Variants in ANKRD11 observed in about 807,000 individuals in gnomAD.
The protein encoded by ANKRD11 is ankyrin repeat domain 11.
In ANKRD11, 17 loss-of-function variants were observed where a neutral mutation model predicts 195.7. That is an observed-to-expected ratio of 0.09 (90% CI 0.06 to 0.13). The LOEUF (loss-of-function observed/expected upper bound fraction) is 0.13, where lower values mean the gene tolerates loss of function less well. Ranked by LOEUF, ANKRD11 falls within the 10% of genes least tolerant of loss-of-function variation. The pLI is 1.00. For synonymous variants in ANKRD11, 1,953 were observed against 1,528.1 expected, an observed-to-expected ratio of 1.28 and a Z score of -6.49; for missense variants, 3,735 against 3,566.1, an observed-to-expected ratio of 1.05 and a Z score of -1.21.
chr16:89,270,559 G>A (rs578182020), intron 12 of ANKRD11: 12 of 526,632 alleles, frequency 2.3e-5, no homozygotes, highest in Admixed American at 1.5e-4. Context: ...ATCAAGCCTA[G>A]GGTCCTGTTG....
intron 2 of ANKRD11, among the ~76,000 whole-genome samples, chr16:89,376,757 A>C (rs1288590911): frequency 1.3e-5 from 2 of 152,200 alleles, no homozygotes; most frequent in Non-Finnish European, 1.5e-5. Flanking sequence ...ACAGGTTTTG[A>C]ATGCAGGTGA....
At chr16:89,426,418 C>A (rs550017114) in intron 1 of ANKRD11, among the ~76,000 whole-genome samples, 2 of 152,146 alleles carry the variant, frequency 1.3e-5, no homozygotes, top group African/African-American at 2.4e-5. Flanking sequence ...AGACCCCAAC[C>A]AGCGCCGGCC....
intron 2 of ANKRD11, among the ~76,000 whole-genome samples, chr16:89,398,634 CAG>C (rs905290626): frequency 1.2e-4 from 18 of 152,032 alleles, no homozygotes; most frequent in Non-Finnish European, 2.4e-4. Flanking sequence ...TTCAGATACT[CAG>C]GGGGCTGAGG....
At chr16:89,278,320 G>C in intron 9 of ANKRD11, 1 of 354,738 alleles carries the variant, frequency 2.8e-6, no homozygotes, top group Non-Finnish European at 5.6e-6. Context: ...GTAGGAGGAG[G>C]TGGGAACCCA....
rs754772890 is a variant in ANKRD11, at chr16:89,268,579, G to A, written c.7891C>T (p.Leu2631=). 12 of 1,546,286 alleles carry A rather than the reference G, an allele frequency of 7.8e-6. No individual in the cohort carries two copies. In the African/African-American group the frequency reaches 1.5e-4, roughly 19 times the overall value. Residue 2631 remains leucine, a synonymous_variant, in exon 13 of 13, where the codon CTG becomes TTG. Coordinates refer to ENST00000301030, the MANE Select transcript of ANKRD11 (RefSeq NM_013275.6). ...AGGGACTTGTGCCCGGCGGGGTCCA[G>A]TTCCTGCACCTTCAGCTGCCACTCC... The part of the protein sequence containing the change: ...RMEWQLKVQE[L]DPAGHKSLCV...
At chr16:89,485,335 A>C (rs536175919) in intron 1 of ANKRD11, among the ~76,000 whole-genome samples, 3 of 151,824 alleles carry the variant, frequency 2.0e-5, no homozygotes, top group Admixed American at 6.6e-5. Context: ...AAAAAAAAAA[A>C]AAAAAAACAC....
At chr16:89,440,290 T>G (rs1204776286) in intron 1 of ANKRD11, among the ~76,000 whole-genome samples, 5 of 151,774 alleles carry the variant, frequency 3.3e-5, no homozygotes, top group Non-Finnish European at 4.4e-5. Flanking sequence ...TAAATAACAG[T>G]GGAACTAGGA....
At chr16:89,345,648 A>C (rs1055664623) in intron 2 of ANKRD11, among the ~76,000 whole-genome samples, 1 of 152,260 alleles carries the variant, frequency 6.6e-6, no homozygotes, top group African/African-American at 2.4e-5. Context: ...AAGAAATACA[A>C]GACCAAGTTT....
At chr16:89,329,491 G>A (rs1009708726) in intron 2 of ANKRD11, among the ~76,000 whole-genome samples, 1 of 152,158 alleles carries the variant, frequency 6.6e-6, no homozygotes, top group Admixed American at 6.5e-5. Context: ...TTCCCCAACG[G>A]TATACGTTTC....
chr16:89,367,654 C>T (rs1567707716), intron 2 of ANKRD11, among the ~76,000 whole-genome samples: 1 of 152,288 alleles, frequency 6.6e-6, no homozygotes, highest in South Asian at 2.1e-4. Context: ...CCTCCCTTGA[C>T]CAGGAAAGCT....
intron 2 of ANKRD11, among the ~76,000 whole-genome samples, chr16:89,329,935 A>G (rs2037956609): frequency 6.6e-6 from 1 of 152,102 alleles, no homozygotes; most frequent in Non-Finnish European, 1.5e-5. Context: ...GGCTGCCGTG[A>G]GCAGAGATCA....
chr16:89,413,359 C>G (rs150794691), intron 2 of ANKRD11, among the ~76,000 whole-genome samples: 462 of 152,288 alleles, frequency 3.0e-3, no homozygotes, highest in African/African-American at 0.011. Context: ...GGCGCAGTGG[C>G]TCACGCCTGT....
At chr16:89,441,524 T>C (rs565825262) in intron 1 of ANKRD11, among the ~76,000 whole-genome samples, 45 of 151,898 alleles carry the variant, frequency 3.0e-4, no homozygotes, top group African/African-American at 1.1e-3. Flanking sequence ...TCCCAGCACT[T>C]TGGGAGGCCA....
chr16:89,418,919 G>A (rs973053122), intron 1 of ANKRD11, among the ~76,000 whole-genome samples: 1 of 151,826 alleles, frequency 6.6e-6, no homozygotes, highest in African/African-American at 2.4e-5. Context: ...ACAGGCGCTC[G>A]CCACCCACCC....
chr16:89,486,927 T>C (rs2057634733), intron 1 of ANKRD11, among the ~76,000 whole-genome samples: 1 of 149,644 alleles, frequency 6.7e-6, no homozygotes, highest in Non-Finnish European at 1.5e-5. Context: ...GAGAATTGCT[T>C]AAACCCAGGA....
intron 2 of ANKRD11, among the ~76,000 whole-genome samples, chr16:89,377,696 A>G (rs2040483049): frequency 6.6e-6 from 1 of 152,088 alleles, no homozygotes; most frequent in South Asian, 2.1e-4. Context: ...ACCCGCTTTT[A>G]ACTTCTTGTA....
intron 2 of ANKRD11, among the ~76,000 whole-genome samples, chr16:89,345,801 C>T (rs542408564): frequency 6.6e-6 from 1 of 152,274 alleles, no homozygotes; most frequent in South Asian, 2.1e-4. Context: ...GGCTGGGCTT[C>T]CTCTATCAAT....
rs115168300 is a variant in ANKRD11, at chr16:89,419,378, G to C, written c.-144-1010C>G. 5.3e-3 allele frequency among the ~76,000 whole-genome samples: 810 copies of C among 151,708 alleles called. 9 individuals carry two copies. The highest frequency in any genetic ancestry group is 0.019 in the African/African-American group (780 of 41,320). On this transcript the variant is annotated intron_variant, in intron 1 of 12. Coordinates refer to ENST00000301030, the MANE Select transcript of ANKRD11 (RefSeq NM_013275.6). ...TGGGGCAGGTGAATCACTTGAATCTGCGAGGCAAAGGTTGCAGTGAGCTGA... is the reference window on the plus strand; with the variant it reads ...TGGGGCAGGTGAATCACTTGAATCTCCGAGGCAAAGGTTGCAGTGAGCTGA...
chr16:89,281,526 T>C lies in ANKRD11; in HGVS notation c.5016A>G (p.Ser1672=). 1 of 1,614,228 alleles carries C rather than the reference T, an allele frequency of 6.2e-7. No individual in the cohort carries two copies. Among genetic ancestry groups the C allele is most frequent in the Non-Finnish European group, 8.5e-7 (1 of 1,180,036 alleles). ...PAAENKLHPA[S]GADSKDWLAG... ...CCAGCCAGTCTTTGGAGTCTGCACC[T>C]GATGCTGGGTGTAGCTTATTTTCCG... Residue 1672 remains serine (S), a synonymous_variant, in exon 9 of 13, where the codon TCA becomes TCG. Coordinates refer to ENST00000301030, the MANE Select transcript of ANKRD11 (RefSeq NM_013275.6). The surrounding 1 kb of genome is among the most constrained non-coding windows in gnomAD (Gnocchi z 5.5).
Sources: gnomAD v4.1 joint callset for allele counts (sites outside exome capture counted in the v4.1 genomes callset) on GRCh38, gnomAD v4.1.1 for gene constraint, Gnocchi (gnomAD v3.1) non-coding constraint, MANE v1.5 for transcripts, NCBI Gene and HGNC (gene_info 2026-07-23, HGNC 2026-07-21) for gene names.